COL6A5: variants seen among roughly 807,000 people sequenced by gnomAD.
COL6A5 encodes collagen alpha-5(VI) chain.
A neutral mutation model predicts 65.6 loss-of-function variants in COL6A5; 48 were observed. The observed-to-expected ratio is 0.73, with a 90% CI of 0.58 to 0.93. COL6A5 has a LOEUF of 0.93. COL6A5 is among the 40% of genes least tolerant of loss of function. The probability of loss-of-function intolerance (pLI) is 0.00; values close to 1 mark genes in which losing one functional copy is unlikely to be tolerated. For synonymous variants in COL6A5, 291 were observed against 322.8 expected (o/e 0.90, Z 1.05); for missense variants, 914 against 928.3 (o/e 0.98, Z 0.20).
chr3:130,418,727 T>C (rs1937433800), intron 24 of COL6A5, 142 bp from the exon 25 acceptor site: 1 of 647,358 alleles, frequency 1.5e-6, no homozygotes, highest in Non-Finnish European at 2.8e-6. Flanking sequence ...AAAACATAAT[T>C]TGTGCCCTAC....
rs554518085 is a variant in COL6A5 at position 130,372,534 on chromosome 3, C to A, written c.-28-1077C>A. Among the ~76,000 whole-genome samples, 54 of 151,944 alleles carry A rather than the reference C, an allele frequency of 3.6e-4. No homozygotes were observed. In the South Asian group the frequency reaches 9.0e-3, roughly 25 times the overall value. On this transcript the variant is annotated intron_variant and NMD_transcript_variant, in intron 1 of 41. Transcript: ENST00000312481. ...TGATACATACCATAACATGGATAAACCTTGAAAACATACTAAATGAAAGAA... is the reference window on the plus strand; with the variant it reads ...TGATACATACCATAACATGGATAAAACTTGAAAACATACTAAATGAAAGAA...
At chr3:130,354,056 A>T (rs1278184959) in intron 1 of COL6A5, among the ~76,000 whole-genome samples, 2 of 151,910 alleles carry the variant, frequency 1.3e-5, no homozygotes, top group Admixed American at 6.6e-5. Context: ...AAGAAAAGCA[A>T]GCAAACAAGA....
chr3:130,356,061 C>A (rs1315758836), intron 1 of COL6A5, among the ~76,000 whole-genome samples: 2 of 151,914 alleles, frequency 1.3e-5, no homozygotes, highest in Non-Finnish European at 2.9e-5. Flanking sequence ...TTTTTTGCAT[C>A]TTCTTTTTTT....
intron 5 of COL6A5, among the ~76,000 whole-genome samples, chr3:130,385,985 T>G (rs1343541052): frequency 1.3e-5 from 2 of 152,090 alleles, no homozygotes; most frequent in Non-Finnish European, 2.9e-5. Context: ...TTTGTTCTAA[T>G]TAGAGATTAA....
intron 5 of COL6A5, among the ~76,000 whole-genome samples, chr3:130,457,162 T>C (rs558592296): frequency 1.1e-4 from 16 of 152,244 alleles, no homozygotes; most frequent in African/African-American, 3.1e-4. Context: ...TTTAATGACA[T>C]GCAAATTAGA....
intron 1 of COL6A5, among the ~76,000 whole-genome samples, chr3:130,354,153 A>G (rs999148391): frequency 6.6e-6 from 1 of 152,116 alleles, no homozygotes; most frequent in Non-Finnish European, 1.5e-5. Flanking sequence ...GAAGATTAGC[A>G]TGATGATATT....
chr3:130,362,314 ATATATATATATATTTTTTTTTT>A (rs1372012731), intron 1 of COL6A5, among the ~76,000 whole-genome samples: 14 of 15,512 alleles, frequency 9.0e-4, no homozygotes, highest in Non-Finnish European at 1.1e-3. Context: ...ATATATATAT[ATATATATATATATTTTTTTTTT>A]TTTTTTTTTT....
chr3:130,380,599 A>G (rs1198571532), intron 4 of COL6A5, among the ~76,000 whole-genome samples: 1 of 152,152 alleles, frequency 6.6e-6, no homozygotes. Flanking sequence ...TGCACTGTCC[A>G]CTAGGTCAGC....
chr3:130,354,100 AAG>A (rs367886309), intron 1 of COL6A5, among the ~76,000 whole-genome samples: 20 of 152,032 alleles, frequency 1.3e-4, no homozygotes, highest in Middle Eastern at 6.8e-3. Flanking sequence ...GAAAAGAAGA[AAG>A]AGAAAGAAAG....
chr3:130,405,487 C>T, intron 13 of COL6A5, 101 bp from the exon 14 acceptor site: 2 of 705,746 alleles, frequency 2.8e-6, no homozygotes, highest in Non-Finnish European at 4.9e-6. Context: ...TTCTAAAGCT[C>T]ATAGTGCCCA....
intron 5 of COL6A5, among the ~76,000 whole-genome samples, chr3:130,463,167 G>A (rs1296018950): frequency 2.0e-5 from 3 of 152,102 alleles, no homozygotes; most frequent in African/African-American, 7.2e-5. Flanking sequence ...AGAAAGTACT[G>A]CTAATCTCAT....
intron 1 of COL6A5, among the ~76,000 whole-genome samples, chr3:130,353,474 A>G (rs1934795936): frequency 6.6e-6 from 1 of 152,226 alleles, no homozygotes; most frequent in Non-Finnish European, 1.5e-5. Context: ...GAAATGCAAG[A>G]GAGAATGAGA....
exon 5 of COL6A5, chr3:130,385,025 G>A (rs1166983536): frequency 6.4e-7 from 1 of 1,550,698 alleles, no homozygotes; most frequent in African/African-American, 1.4e-5. Context: ...CTTAAGAAAG[G>A]CTATTTTTAA....
At chr3:130,394,819 T>G in intron 7 of COL6A5, 71 bp from the exon 8 acceptor site, 1 of 1,105,292 alleles carries the variant, frequency 9.0e-7, no homozygotes, top group East Asian at 2.6e-5. Context: ...TAAAGCAATT[T>G]AAGTATATGA....
intron 22 of COL6A5, 139 bp downstream of exon 22, chr3:130,414,270 G>T (rs1937274314): frequency 7.3e-6 from 5 of 688,106 alleles, no homozygotes; most frequent in Non-Finnish European, 1.2e-5. Flanking sequence ...ATGGGGTGGG[G>T]GGTGATTTCA....
intron 1 of COL6A5, among the ~76,000 whole-genome samples, chr3:130,366,420 C>T (rs1935342601): frequency 6.6e-6 from 1 of 152,164 alleles, no homozygotes; most frequent in African/African-American, 2.4e-5. Flanking sequence ...TGGACCTGCT[C>T]ACTCATTTTA....
rs563699496 is a variant in COL6A5 at position 130,418,789 on chromosome 3, CA to C, written c.4888-79del. 1,293 of 1,105,920 alleles carry C rather than the reference CA, an allele frequency of 1.2e-3. 10 individuals are homozygous for C. In the African/African-American group the frequency reaches 0.017, roughly 14 times the overall value. The allele number at this position is 1,105,920 out of a possible 1,614,324, so 68.5% of individuals were successfully genotyped here. The stretch of plus-strand genomic sequence containing the variant: ...CCTCACTGAGAACCTTGAGTCTCCT[CA>C]TCGAGTGGACAGAACTTACCGTGGT... On this transcript the variant is annotated intron_variant and NMD_transcript_variant, in intron 24 of 41. Transcript: ENST00000312481.
At chr3:130,472,832 C>CATATATATATATAT (rs10654631) in intron 7 of COL6A5, among the ~76,000 whole-genome samples, 7,069 of 98,778 alleles carry the variant, frequency 0.072, 414 homozygotes, top group East Asian at 0.096. Context: ...TGTGTGTATA[C>CATATATATATATAT]ATATATATAT....
exon 1 of COL6A5, chr3:130,345,908 T>C: frequency 5.0e-6 from 2 of 398,640 alleles, no homozygotes; most frequent in East Asian, 7.1e-5. Context: ...GCTCAGGAGC[T>C]CGGTGCAGCC....
Sources: gnomAD v4.1 joint callset for allele counts (sites outside exome capture counted in the v4.1 genomes callset) on GRCh38, gnomAD v4.1.1 for gene constraint, MANE v1.5 for transcripts, NCBI Gene and HGNC (gene_info 2026-07-23, HGNC 2026-07-21) for gene names.